Variants in WFS1 observed in about 807,000 individuals in gnomAD.
The protein encoded by WFS1 is wolframin.
A neutral mutation model predicts 68.5 loss-of-function variants in WFS1; 90 were observed. That is an observed-to-expected ratio of 1.31 (90% CI 1.11 to 1.56). The LOEUF (loss-of-function observed/expected upper bound fraction) is 1.56. Ranked by LOEUF, WFS1 falls within the 40% of genes most tolerant of loss-of-function variation. The probability of loss-of-function intolerance (pLI) is 0.00; values close to 1 mark genes in which losing one functional copy is unlikely to be tolerated. For missense variants in WFS1, 1,767 were observed against 1,232.6 expected (o/e 1.43, Z -6.49); for synonymous variants, 860 against 540.7 (o/e 1.59, Z -8.19).
chr4:6,287,300 G>A lies in WFS1; in HGVS notation c.315+125G>A. 2 of 858,060 alleles carry A rather than the reference G, an allele frequency of 2.3e-6. No homozygotes were observed. The highest frequency in any genetic ancestry group is 3.8e-6 in the Non-Finnish European group (2 of 525,844). 53.2% of individuals were successfully genotyped at this position (858,060 alleles called of 1,614,324 possible). Reference sequence around the variant, plus strand: ...GATCGGGGTCAGGAGCCAGCGTGGTGCACCCTACCCCACTTGAGCCCCATG... The same window carrying A: ...GATCGGGGTCAGGAGCCAGCGTGGTACACCCTACCCCACTTGAGCCCCATG... On this transcript the variant is annotated intron_variant, in intron 3 of 7. Transcript: ENST00000226760. The surrounding 1 kb of genome is among the most constrained non-coding windows in gnomAD (Gnocchi z 6.4).
intron 7 of WFS1, among the ~76,000 whole-genome samples, chr4:6,296,598 A>G (rs957721743): frequency 3.3e-5 from 5 of 152,204 alleles, no homozygotes; most frequent in African/African-American, 9.6e-5. Flanking sequence ...GGGTGCTGGC[A>G]TGGTTTTGGC....
At chr4:6,292,302 A>T (rs1483227703) in intron 6 of WFS1, among the ~76,000 whole-genome samples, 1 of 152,072 alleles carries the variant, frequency 6.6e-6, no homozygotes, top group Non-Finnish European at 1.5e-5. Context: ...TTGGACAAGG[A>T]AATACTGGGG....
At chr4:6,271,494 C>G (rs115370419) in intron 1 of WFS1, among the ~76,000 whole-genome samples, 2,535 of 152,318 alleles carry the variant, frequency 0.017, 69 homozygotes, top group African/African-American at 0.057. Flanking sequence ...ACCCGAAACA[C>G]CCATCCTTGA....
rs763294076 is a variant in WFS1, at chr4:6,302,346, A to ATG, written c.2552_2553dup (p.Ala852TrpfsTer11). 8 of 1,612,920 alleles carry ATG rather than the reference A, an allele frequency of 5.0e-6. No homozygotes were observed. Among genetic ancestry groups the ATG allele is most frequent in the Non-Finnish European group, 6.8e-6 (8 of 1,179,978 alleles). ...CAAGGCCATCAGCTGCCTCAACTGC[A>ATG]TGGCCCAGCTCTCACCCACCAGGCG... On this transcript the variant is annotated frameshift_variant, in exon 8 of 8. Coordinates refer to ENST00000226760, the MANE Select transcript of WFS1 (RefSeq NM_006005.3). LOFTEE classifies it high-confidence loss of function.
chr4:6,296,007 A>C (rs1730629530), intron 7 of WFS1, among the ~76,000 whole-genome samples: 1 of 152,234 alleles, frequency 6.6e-6, no homozygotes, highest in African/African-American at 2.4e-5. Context: ...ATTGTCACAG[A>C]GGCTGCGGGC....
At chr4:6,288,049 TC>T (rs1316917636) in intron 3 of WFS1, among the ~76,000 whole-genome samples, 1 of 152,006 alleles carries the variant, frequency 6.6e-6, no homozygotes, top group Non-Finnish European at 1.5e-5. Context: ...AAACCGTGTC[TC>T]CACTACAAAT....
Position 6,291,927 on chromosome 4 carries a change from GCAGC to G in WFS1, c.646_649del (p.Pro216AlafsTer70). 6.2e-7 allele frequency: 1 copy of G among 1,610,264 alleles called. No individual in the cohort carries two copies. The highest frequency in any genetic ancestry group is 8.5e-7 in the Non-Finnish European group (1 of 1,178,980). On this transcript the variant is annotated frameshift_variant, in exon 6 of 8. Transcript: ENST00000226760. LOFTEE classifies it high-confidence loss of function. ...CCCTGTCCCCTGCAGATGGAGGGGC[GCAGC>G]CAGGCCCCGTGCCCAAGTCCCTGCA...
At chr4:6,290,752 T>A (rs1730436796) in intron 4 of WFS1, among the ~76,000 whole-genome samples, 1 of 150,794 alleles carries the variant, frequency 6.6e-6, no homozygotes, top group Non-Finnish European at 1.5e-5. Flanking sequence ...GGGCTGTGTG[T>A]GAGACAGAGG....
intron 2 of WFS1, among the ~76,000 whole-genome samples, chr4:6,286,743 C>G (rs1029445630): frequency 5.3e-5 from 8 of 152,220 alleles, no homozygotes; most frequent in Admixed American, 4.6e-4. Flanking sequence ...TTGGATCTTT[C>G]TAGAGCCCCA....
At position 6,287,246 on chromosome 4, in the gene WFS1, A is replaced by C; in HGVS notation, c.315+71A>C. On this transcript the variant is annotated intron_variant, in intron 3 of 7. Coordinates refer to ENST00000226760, the MANE Select transcript of WFS1 (RefSeq NM_006005.3). The surrounding 1 kb of genome is among the most constrained non-coding windows in gnomAD (Gnocchi z 6.4). Reference sequence around the variant, plus strand: ...CACAACAGGCCTGGCCACGAGCTCCACAGCCCACAGAGAAGTGTCGGTGCC... The same window carrying C: ...CACAACAGGCCTGGCCACGAGCTCCCCAGCCCACAGAGAAGTGTCGGTGCC... 6 of 1,349,764 alleles carry C rather than the reference A, an allele frequency of 4.4e-6. No homozygotes were observed. Among genetic ancestry groups the C allele is most frequent in the Non-Finnish European group, 5.2e-6 (5 of 966,172 alleles). The allele number at this position is 1,349,764 out of a possible 1,614,324, so 83.6% of individuals were successfully genotyped here. A position where few individuals can be genotyped will look rare whatever the true frequency, so the allele number is the denominator to read the frequency against.
At position 6,301,150 on chromosome 4, in the gene WFS1, A is replaced by C. The variant is rs1342014896; in HGVS notation, c.1355A>C (p.Glu452Ala). ...TACCTGAGCCTGAGCACCCATGCAG[A>C]GCCCTACACGCGCAGGGCCCTGGCC... is the stretch of plus-strand genomic sequence containing the variant. The part of the protein sequence containing the change: ...TSYLSLSTHA[E>A]PYTRRALATE... The change falls in exon 8 of 8, where the codon GAG (glutamate) becomes GCG (alanine). Residue 452 changes from glutamate (E) to alanine (A), a missense_variant. Glu to Ala is a moderately radical substitution (Grantham distance 107). Coordinates refer to ENST00000226760, the MANE Select transcript of WFS1 (RefSeq NM_006005.3). 1.9e-6 allele frequency: 3 copies of C among 1,613,016 alleles called. No homozygotes were observed. Among genetic ancestry groups the C allele is most frequent in the East Asian group, 4.5e-5 (2 of 44,848 alleles).
At chr4:6,281,173 A>G (rs557458412) in intron 2 of WFS1, among the ~76,000 whole-genome samples, 1 of 152,276 alleles carries the variant, frequency 6.6e-6, no homozygotes, top group East Asian at 1.9e-4. Context: ...GGTGCACCCC[A>G]CCAGGAAGCA....
chr4:6,293,853 AGCCCCCAGCCCGCCCAGGCT>A (rs1166828713), intron 6 of WFS1, among the ~76,000 whole-genome samples: 15 of 152,090 alleles, frequency 9.9e-5, no homozygotes, highest in South Asian at 2.1e-4. Context: ...TGAACCCGCA[AGCCCCCAGCCCGCCCAGGCT>A]GCATCCAGCC....
At chr4:6,292,142 T>C in intron 6 of WFS1, 145 bp downstream of exon 6, 3 of 835,332 alleles carry the variant, frequency 3.6e-6, no homozygotes, top group Non-Finnish European at 5.9e-6. Flanking sequence ...CTCTCCTTCC[T>C]GTGCGACCCC....
chr4:6,292,792 C>T (rs755809155), intron 6 of WFS1, among the ~76,000 whole-genome samples: 2 of 152,130 alleles, frequency 1.3e-5, no homozygotes, highest in Admixed American at 6.5e-5. Flanking sequence ...TCAGTTTCCC[C>T]TTCTGAACAG....
chr4:6,301,841 C>T lies in WFS1; in HGVS notation c.2046C>T (p.Asn682=). Residue 682 remains asparagine, a synonymous_variant, in exon 8 of 8, where the codon AAC becomes AAT. Coordinates refer to ENST00000226760, the MANE Select transcript of WFS1 (RefSeq NM_006005.3). ...GGCCACGCGCCTGGAAGGAGACCAACATGGCGCGCACCCAGATCCTCTGCA... is the reference window on the plus strand; with the variant it reads ...GGCCACGCGCCTGGAAGGAGACCAATATGGCGCGCACCCAGATCCTCTGCA... The part of the protein sequence containing the change: ...LCGPRAWKET[N]MARTQILCSH... 2 of 1,613,138 alleles carry T rather than the reference C, an allele frequency of 1.2e-6. No individual in the cohort carries two copies. Among genetic ancestry groups the T allele is most frequent in the Non-Finnish European group, 1.7e-6 (2 of 1,179,986 alleles).
In WFS1 at chr4:6,300,773, G is replaced by C. The variant is rs371404867; in HGVS notation, c.978G>C (p.Ala326=). The change falls in exon 8 of 8, where the codon GCG becomes GCC. Residue 326 remains alanine (A), a synonymous_variant. Coordinates refer to ENST00000226760, the MANE Select transcript of WFS1 (RefSeq NM_006005.3). ...STIIPTHHIN[A]LIFFFIVSNL... ...TCATCCCCACGCACCACATCAACGCGCTCATCTTCTTCTTCATCGTCAGCA... is the reference window on the plus strand; with the variant it reads ...TCATCCCCACGCACCACATCAACGCCCTCATCTTCTTCTTCATCGTCAGCA... The C allele has an allele frequency of 1.9e-6, 3 of 1,613,864 alleles. No homozygotes were observed. Among genetic ancestry groups the C allele is most frequent in the Non-Finnish European group, 1.7e-6 (2 of 1,179,992 alleles).
intron 2 of WFS1, among the ~76,000 whole-genome samples, chr4:6,286,543 A>C (rs1730312549): frequency 6.6e-6 from 1 of 152,226 alleles, no homozygotes; most frequent in Admixed American, 6.5e-5. Context: ...AACAGCTCGA[A>C]CAGACTAAGG....
intron 6 of WFS1, among the ~76,000 whole-genome samples, chr4:6,294,327 C>T (rs545033297): frequency 2.0e-5 from 3 of 151,682 alleles, no homozygotes; most frequent in Admixed American, 6.6e-5. Flanking sequence ...TCGCGGATCA[C>T]GTTGGATGGA....
Sources: gnomAD v4.1 joint callset for allele counts (sites outside exome capture counted in the v4.1 genomes callset) on GRCh38, gnomAD v4.1.1 for gene constraint, Gnocchi (gnomAD v3.1) non-coding constraint, MANE v1.5 for transcripts, NCBI Gene and HGNC (gene_info 2026-07-23, HGNC 2026-07-21) for gene names.